UGT2A1: variants seen among roughly 807,000 people sequenced by gnomAD.
UGT2A1 encodes the protein UDP glucuronosyltransferase family 2 member A1 complex locus, also known as UDP-glucuronosyltransferase 2A1.
Under a neutral mutation model 45.4 loss-of-function variants are expected in UGT2A1, and 61 were observed. The observed-to-expected ratio is 1.34, with a 90% CI of 1.09 to 1.66. UGT2A1 has a LOEUF of 1.66. UGT2A1 is among the 40% of genes most tolerant of loss of function. The pLI, the probability that UGT2A1 is intolerant of heterozygous loss-of-function variation, is 0.00. For missense variants in UGT2A1, 649 were observed against 574.3 expected, an observed-to-expected ratio of 1.13 and a Z score of -1.33; for synonymous variants, 229 against 196.2, an observed-to-expected ratio of 1.17 and a Z score of -1.40.
intron 2 of UGT2A1, among the ~76,000 whole-genome samples, chr4:69,640,999 T>C (rs926096190): frequency 2.6e-5 from 4 of 151,932 alleles, no homozygotes; most frequent in African/African-American, 9.7e-5. Context: ...ATAGAAAACA[T>C]GAACAAAAGT....
At chr4:69,648,536 C>T (rs538614590) in intron 1 of UGT2A1, among the ~76,000 whole-genome samples, 14 of 151,992 alleles carry the variant, frequency 9.2e-5, no homozygotes, top group African/African-American at 2.2e-4. Context: ...TCAGACATTA[C>T]GCAAACTCTT....
intron 2 of UGT2A1, chr4:69,639,272 A>C (rs760810523): frequency 1.1e-5 from 17 of 1,613,702 alleles, no homozygotes; most frequent in Non-Finnish European, 1.3e-5. Flanking sequence ...AAGTGTCTAG[A>C]AGTTTTCCTA....
intron 3 of UGT2A1, among the ~76,000 whole-genome samples, chr4:69,623,542 A>T (rs909521746): frequency 4.6e-5 from 7 of 151,370 alleles, no homozygotes; most frequent in African/African-American, 1.7e-4. Flanking sequence ...AAATATTTTT[A>T]AAATATAAAA....
intron 2 of UGT2A1, chr4:69,639,078 A>T: frequency 6.2e-7 from 1 of 1,613,426 alleles, no homozygotes; most frequent in Non-Finnish European, 8.5e-7. Context: ...GTGTCTCTCC[A>T]CTGTTGATGC....
At chr4:69,614,887 G>A (rs1055447872) in intron 3 of UGT2A1, among the ~76,000 whole-genome samples, 13 of 152,048 alleles carry the variant, frequency 8.5e-5, no homozygotes, top group Admixed American at 2.6e-4. Flanking sequence ...TGTACAGGAG[G>A]CATGGTTGGG....
intron 3 of UGT2A1, among the ~76,000 whole-genome samples, chr4:69,613,683 A>G (rs1720201013): frequency 6.6e-6 from 1 of 152,062 alleles, no homozygotes; most frequent in South Asian, 2.1e-4. Flanking sequence ...ATGCAAATCA[A>G]TAAATGTGAT....
In UGT2A1 at chr4:69,588,653, T is replaced by C. The variant is rs1335062788; in HGVS notation, c.*719A>G. 1 of 151,898 alleles carries C rather than the reference T, an allele frequency of 6.6e-6. No individual in the cohort carries two copies. Among genetic ancestry groups the C allele is most frequent in the Admixed American group, 6.6e-5 (1 of 15,232 alleles). 9.4% of individuals were successfully genotyped at this position (151,898 alleles called of 1,614,324 possible). On this transcript the variant is annotated 3_prime_UTR_variant, in exon 7 of 7. Coordinates refer to ENST00000286604, the MANE Select transcript of UGT2A1 (RefSeq NM_001252275.3). ...CTTCAACATATAACATAGAACTTTCTCCTTGAAATAAAAGAGTCGATTGAT... is the reference window on the plus strand; with the variant it reads ...CTTCAACATATAACATAGAACTTTCCCCTTGAAATAAAAGAGTCGATTGAT...
intron 4 of UGT2A1, among the ~76,000 whole-genome samples, chr4:69,597,059 A>T (rs1718972871): frequency 1.3e-5 from 2 of 152,208 alleles, no homozygotes; most frequent in African/African-American, 4.8e-5. Flanking sequence ...AAGGATACTG[A>T]GCTAGGCTTT....
chr4:69,607,084 G>C (rs1208013473), intron 3 of UGT2A1, among the ~76,000 whole-genome samples: 1 of 94,108 alleles, frequency 1.1e-5, no homozygotes, highest in Non-Finnish European at 2.2e-5. Context: ...AGTTCATATG[G>C]AACCAAAAAA....
rs762845902 is a variant in UGT2A1, at chr4:69,630,268, C to T, written c.847+5423G>A. ...CATTTTTTTCTCCTGCAATTTTTGA[C>T]GTAGTTGGAGTGAGGCCATATGCAA... On this transcript the variant is annotated intron_variant, in intron 3 of 6. Coordinates refer to ENST00000286604, the MANE Select transcript of UGT2A1 (RefSeq NM_001252275.3). Among the ~76,000 whole-genome samples, 12 of 152,046 alleles carry T rather than the reference C, an allele frequency of 7.9e-5. No individual in the cohort carries two copies. The South Asian group carries it at 1.0e-3, about 13-fold the overall frequency.
At chr4:69,612,190 G>A (rs2109919017) in intron 3 of UGT2A1, among the ~76,000 whole-genome samples, 1 of 151,742 alleles carries the variant, frequency 6.6e-6, no homozygotes, top group East Asian at 1.9e-4. Flanking sequence ...AAGTAACAGA[G>A]ACTAGAAATA....
At chr4:69,626,003 G>A (rs1456403500) in intron 3 of UGT2A1, among the ~76,000 whole-genome samples, 1 of 151,464 alleles carries the variant, frequency 6.6e-6, no homozygotes, top group Non-Finnish European at 1.5e-5. Context: ...CTGTTTTAGA[G>A]TACTTGTCTA....
intron 3 of UGT2A1, among the ~76,000 whole-genome samples, chr4:69,632,301 G>A (rs1033962146): frequency 2.0e-5 from 3 of 152,074 alleles, no homozygotes; most frequent in Non-Finnish European, 2.9e-5. Context: ...TAGGTTTTGG[G>A]GTTAATAAGG....
intron 2 of UGT2A1, chr4:69,639,563 A>G: frequency 6.2e-7 from 1 of 1,612,014 alleles, no homozygotes; most frequent in Non-Finnish European, 8.5e-7. Flanking sequence ...CACTTAGAAC[A>G]ACTTCAGTCA....
intron 3 of UGT2A1, among the ~76,000 whole-genome samples, chr4:69,622,159 T>C (rs1284670206): frequency 1.3e-5 from 2 of 151,770 alleles, no homozygotes; most frequent in Admixed American, 1.3e-4. Context: ...AACCAAAAGG[T>C]TTTTATTTTT....
intron 2 of UGT2A1, among the ~76,000 whole-genome samples, chr4:69,646,574 A>C (rs1176462559): frequency 6.6e-6 from 1 of 151,764 alleles, no homozygotes; most frequent in Non-Finnish European, 1.5e-5. Flanking sequence ...AAGCTTGTGG[A>C]AAGTTTAACA....
intron 3 of UGT2A1, among the ~76,000 whole-genome samples, chr4:69,616,322 A>G (rs1720381012): frequency 6.6e-6 from 1 of 152,016 alleles, no homozygotes; most frequent in African/African-American, 2.4e-5. Flanking sequence ...TTGATAGCAC[A>G]ATAGGATGAC....
intron 3 of UGT2A1, among the ~76,000 whole-genome samples, chr4:69,607,750 G>C (rs2109909180): frequency 6.6e-6 from 1 of 152,292 alleles, no homozygotes; most frequent in South Asian, 2.1e-4. Flanking sequence ...CCATCAACAA[G>C]TGGGTGAAGG....
intron 6 of UGT2A1, among the ~76,000 whole-genome samples, chr4:69,590,014 A>G (rs530690461): frequency 1.3e-5 from 2 of 152,366 alleles, no homozygotes; most frequent in South Asian, 4.1e-4. Flanking sequence ...GATAAAAATC[A>G]TTTAAGACAT....
Sources: allele counts gnomAD v4.1 joint callset (sites outside exome capture counted in the v4.1 genomes callset), GRCh38; gene constraint gnomAD v4.1.1; transcripts MANE v1.5; gene names NCBI Gene and HGNC (gene_info 2026-07-23, HGNC 2026-07-21).